Variants in COL4A1 observed in about 807,000 individuals in gnomAD.
The protein encoded by COL4A1 is collagen alpha-1(IV) chain.
Under a neutral mutation model 216.6 loss-of-function variants are expected in COL4A1, and 40 were observed. That is an observed-to-expected ratio of 0.18 (90% CI 0.14 to 0.24). The LOEUF (loss-of-function observed/expected upper bound fraction) is 0.24. Ranked by LOEUF, COL4A1 falls within the 10% of genes least tolerant of loss-of-function variation. The probability of loss-of-function intolerance (pLI) is 1.00; values close to 1 mark genes in which losing one functional copy is unlikely to be tolerated. For missense variants in COL4A1, 1,628 were observed against 2,196.8 expected (o/e 0.74, Z 5.18); for synonymous variants, 839 against 810.7 (o/e 1.03, Z -0.59).
intron 1 of COL4A1, among the ~76,000 whole-genome samples, chr13:110,285,909 C>T (rs1883827544): frequency 1.3e-5 from 2 of 152,278 alleles, no homozygotes; most frequent in African/African-American, 4.8e-5. Flanking sequence ...TACCTTTTCT[C>T]TGGGAAAACT....
Position 110,268,510 on chromosome 13 carries a change from T to A in COL4A1, c.85-25776A>T, listed in dbSNP as rs1393184091. Reference sequence around the variant, plus strand: ...TAAAAGAATGACAGTAGGATAACATTCACTGCTGTGCCAGAAAAACTTGGT... The same window carrying A: ...TAAAAGAATGACAGTAGGATAACATACACTGCTGTGCCAGAAAAACTTGGT... On this transcript the variant is annotated intron_variant, in intron 1 of 51. Transcript: ENST00000375820. This position sits in a 1 kb window ranked among gnomAD's most constrained non-coding sequence, Gnocchi z 4.1. Among the ~76,000 whole-genome samples, 1 of 152,230 alleles carries A rather than the reference T, an allele frequency of 6.6e-6. No individual in the cohort carries two copies. The highest frequency in any genetic ancestry group is 1.5e-5 in the Non-Finnish European group (1 of 68,036).
In COL4A1 at chr13:110,186,480, C is replaced by G. The variant is rs1218480942; in HGVS notation, c.1802G>C (p.Gly601Ala). 1 of 1,613,820 alleles carries G rather than the reference C, an allele frequency of 6.2e-7. No homozygotes were observed. Among genetic ancestry groups the G allele is most frequent in the Non-Finnish European group, 8.5e-7 (1 of 1,179,946 alleles). ...ACCATATCCTGGAGGCCCAGGGGGG[C>G]CGGTGTCACCACGACTGCCTGGGAA... ...VGFPGSRGDT[G>A]PPGPPGYGPA... Residue 601 changes from glycine to alanine, a missense_variant, in exon 26 of 52, where the codon GGC (glycine) becomes GCC (alanine). By Grantham distance (60) the Gly-to-Ala change is moderately conservative. Around this residue, in one of 8 missense-constraint regions of COL4A1, gnomAD observed 701 missense variants for 892.5 expected, o/e 0.79. Transcript: ENST00000375820.
At chr13:110,166,393 A>G (rs1594540269) in intron 44 of COL4A1, 90 bp from the exon 45 acceptor site, 1 of 840,442 alleles carries the variant, frequency 1.2e-6, no homozygotes, top group South Asian at 1.3e-5. Context: ...GTGCACACAC[A>G]TACATGTACA....
intron 2 of COL4A1, among the ~76,000 whole-genome samples, chr13:110,224,935 A>G (rs1217461306): frequency 2.0e-5 from 3 of 152,218 alleles, no homozygotes; most frequent in Admixed American, 1.3e-4. Flanking sequence ...TACTCTGAAG[A>G]TAAGAATTAT....
chr13:110,186,320 C>T (rs1365907936), intron 26 of COL4A1, 65 bp downstream of exon 26: 2 of 1,604,274 alleles, frequency 1.2e-6, no homozygotes, highest in Admixed American at 1.7e-5. Flanking sequence ...CTGTGTGCAC[C>T]CGAGGTGCCT....
intron 2 of COL4A1, among the ~76,000 whole-genome samples, chr13:110,214,405 T>C (rs1879971280): frequency 6.6e-6 from 1 of 152,190 alleles, no homozygotes; most frequent in African/African-American, 2.4e-5. Context: ...TGCCTAATTT[T>C]AGGTGCCAAG....
intron 1 of COL4A1, among the ~76,000 whole-genome samples, chr13:110,245,422 C>G (rs754483303): frequency 6.6e-6 from 1 of 152,224 alleles, no homozygotes; most frequent in Non-Finnish European, 1.5e-5. Context: ...TCTCATGTAT[C>G]TGCAGAGTCC....
At chr13:110,248,903 G>T (rs909434018) in intron 1 of COL4A1, among the ~76,000 whole-genome samples, 4 of 152,108 alleles carry the variant, frequency 2.6e-5, no homozygotes, top group Non-Finnish European at 5.9e-5. Flanking sequence ...TTTTCGGATA[G>T]CGAAACCTCA....
chr13:110,175,173 A>C (rs1877824090), intron 37 of COL4A1, 45 bp downstream of exon 37: 1 of 1,611,162 alleles, frequency 6.2e-7, no homozygotes, highest in East Asian at 2.2e-5. Context: ...CAGCATCTCC[A>C]CTGAGCTGGG....
chr13:110,292,863 A>G (rs1884141485), intron 1 of COL4A1, among the ~76,000 whole-genome samples: 1 of 152,216 alleles, frequency 6.6e-6, no homozygotes, highest in Non-Finnish European at 1.5e-5. Flanking sequence ...AAGGGTCAGG[A>G]GAAACAGGAT....
intron 2 of COL4A1, among the ~76,000 whole-genome samples, chr13:110,219,741 T>C (rs1486347683): frequency 6.8e-6 from 1 of 146,552 alleles, no homozygotes; most frequent in Non-Finnish European, 1.5e-5. Context: ...TATATATGTA[T>C]ATACATATGT....
At chr13:110,269,370 AT>A (rs1028590278) in intron 1 of COL4A1, among the ~76,000 whole-genome samples, 12 of 152,228 alleles carry the variant, frequency 7.9e-5, no homozygotes, top group Admixed American at 3.9e-4. Flanking sequence ...TAGAGAGAAC[AT>A]TGTCATAAAA....
chr13:110,170,952 C>T (rs1160218900), intron 41 of COL4A1, among the ~76,000 whole-genome samples: 1 of 152,194 alleles, frequency 6.6e-6, no homozygotes, highest in African/African-American at 2.4e-5. Context: ...AAAAAGAGCT[C>T]AGAATGCTAG....
At chr13:110,227,491 A>C (rs1880795367) in intron 2 of COL4A1, among the ~76,000 whole-genome samples, 1 of 151,642 alleles carries the variant, frequency 6.6e-6, no homozygotes, top group African/African-American at 2.4e-5. Flanking sequence ...GAGAGACATA[A>C]AGAGAGAGAA....
intron 1 of COL4A1, among the ~76,000 whole-genome samples, chr13:110,276,815 C>T (rs494558): frequency 0.9 from 137,268 of 152,240 alleles, 62,964 homozygotes; most frequent in Non-Finnish European, 1. Context: ...TACCGGGTGC[C>T]TTAACTTTGG....
Position 110,207,475 on chromosome 13 carries a change from G to C in COL4A1, c.708C>G (p.Val236=), listed in dbSNP as rs139523466. Residue 236 remains valine, a synonymous_variant, in exon 13 of 52, where the codon GTC becomes GTG. Transcript: ENST00000375820. The surrounding 1 kb of genome is among the most constrained non-coding windows in gnomAD (Gnocchi z 4.4). ...GTCCTGGTACTCCTGGAGGCCCACT[G>C]ACCCCTTGGTCACCCTGTCGACATA... ...GPKGDKGDQG[V]SGPPGVPGQA... 1,260 of 1,613,830 alleles carry C rather than the reference G, an allele frequency of 7.8e-4. No homozygotes were observed. Among genetic ancestry groups the C allele is most frequent in the Non-Finnish European group, 1.0e-3 (1,191 of 1,179,908 alleles).
At chr13:110,263,502 G>A (rs958646792) in intron 1 of COL4A1, among the ~76,000 whole-genome samples, 3 of 152,118 alleles carry the variant, frequency 2.0e-5, no homozygotes, top group African/African-American at 4.8e-5. Context: ...TGCCCAGGCT[G>A]GAGTGCAGTG....
At chr13:110,206,435 G>A (rs569441301) in intron 15 of COL4A1, among the ~76,000 whole-genome samples, 11 of 152,330 alleles carry the variant, frequency 7.2e-5, no homozygotes, top group African/African-American at 2.2e-4. Flanking sequence ...CTGAACAGCC[G>A]GCGGTGGCAC....
Position 110,207,438 on chromosome 13 carries a change from G to A in COL4A1, c.745C>T (p.Gln249Ter), listed in dbSNP as rs1156812174. 1 of 1,613,812 alleles carries A rather than the reference G, an allele frequency of 6.2e-7. No homozygotes were observed. The highest frequency in any genetic ancestry group is 8.5e-7 in the Non-Finnish European group (1 of 1,180,016). Residue 249 changes from glutamine (Q) to a stop codon, truncating the protein, a stop_gained, in exon 13 of 52, where the codon CAA becomes TAA. Coordinates refer to ENST00000375820, the MANE Select transcript of COL4A1 (RefSeq NM_001845.6). LOFTEE classifies it high-confidence loss of function. The surrounding 1 kb of genome is among the most constrained non-coding windows in gnomAD (Gnocchi z 4.4). ...TTGGTGGCGAAGTCTCCTTTTTCTT[G>A]AACTTGAGCTTGTCCTGGTACTCCT... ...PPGVPGQAQV[Q>*]EKGDFATKGE...
Sources: gnomAD v4.1 joint callset for allele counts (sites outside exome capture counted in the v4.1 genomes callset) on GRCh38, gnomAD v4.1.1 for gene constraint, gnomAD v4.1.1 regional missense constraint, Gnocchi (gnomAD v3.1) non-coding constraint, MANE v1.5 for transcripts, NCBI Gene and HGNC (gene_info 2026-07-23, HGNC 2026-07-21) for gene names.